The following GART variants were observed in gnomAD, a reference collection of about 807,000 sequenced individuals.
The protein encoded by GART is trifunctional purine biosynthetic protein adenosine-3.
In GART, 43 loss-of-function variants were observed where a neutral mutation model predicts 107.2. That is an observed-to-expected ratio of 0.40 (90% CI 0.31 to 0.52). The LOEUF (loss-of-function observed/expected upper bound fraction) is 0.52. GART is among the 20% of genes least tolerant of loss of function. The probability of loss-of-function intolerance (pLI) is 0.52; values close to 1 mark genes in which losing one functional copy is unlikely to be tolerated. For synonymous variants in GART, 434 were observed against 427.0 expected, an observed-to-expected ratio of 1.02 and a Z score of -0.20; for missense variants, 1,107 against 1,206.5, an observed-to-expected ratio of 0.92 and a Z score of 1.22.
At position 33,504,201 on chromosome 21, in the gene GART, C is replaced by T. The variant is rs373445394; in HGVS notation, c.2956G>A (p.Ala986Thr). ...CCACTGGCCACCAGCTGAAGGGCTG[C>T]AGGAAATATTTTATGTTCTGCTAAT... ...VKLAEHKIFP[A>T]ALQLVASGTV... Residue 986 changes from alanine (A) to threonine (T), a missense_variant, in exon 22 of 22, where the codon GCA becomes ACA. Ala to Thr is a moderately conservative substitution (Grantham distance 58, BLOSUM62 0). Transcript: ENST00000381815. The T allele has an allele frequency of 3.5e-5, 57 of 1,614,076 alleles. No individual in the cohort carries two copies. The highest frequency in any genetic ancestry group is 4.8e-5 in the Non-Finnish European group (57 of 1,180,050).
chr21:33,526,519 T>C (rs539245943), intron 10 of GART, among the ~76,000 whole-genome samples: 16 of 151,990 alleles, frequency 1.1e-4, no homozygotes, highest in Non-Finnish European at 2.1e-4. Flanking sequence ...TAAAGCTGCT[T>C]CTTTTTTTCT....
chr21:33,517,571 A>C lies in GART; in HGVS notation c.1740T>G (p.Pro580=), dbSNP rs1440794850. 1.2e-6 allele frequency: 2 copies of C among 1,614,106 alleles called. No individual in the cohort carries two copies. Among genetic ancestry groups the C allele is most frequent in the African/African-American group, 2.7e-5 (2 of 74,936 alleles). ...CAAACCCAGCTAGGTCATACTCTCCAGGGGGATACATGTCAGGCATTTCTG... is the reference window on the plus strand; with the variant it reads ...CAAACCCAGCTAGGTCATACTCTCCCGGGGGATACATGTCAGGCATTTCTG... The part of the protein sequence containing the change: ...ETAEMPDMYP[P]GEYDLAGFAV... Residue 580 remains proline, a synonymous_variant, in exon 15 of 22, where the codon CCT becomes CCG. Coordinates refer to ENST00000381815, the MANE Select transcript of GART (RefSeq NM_000819.5).
intron 16 of GART, among the ~76,000 whole-genome samples, chr21:33,513,137 G>A (rs902282310): frequency 8.1e-6 from 1 of 123,958 alleles, no homozygotes; most frequent in Non-Finnish European, 1.7e-5. Flanking sequence ...GTGTGTGTGT[G>A]TATTTTTAGT....
chr21:33,532,634 T>C (rs2085214774), intron 4 of GART, among the ~76,000 whole-genome samples, 178 bp from the exon 5 acceptor site: 1 of 152,236 alleles, frequency 6.6e-6, no homozygotes, highest in African/African-American at 2.4e-5. Context: ...CCCCTACGTA[T>C]TCCTTTGTAG....
At chr21:33,532,194 G>T (rs994391485) in intron 5 of GART, 151 bp downstream of exon 5, 1 of 644,692 alleles carries the variant, frequency 1.6e-6, no homozygotes, top group Non-Finnish European at 2.8e-6. Flanking sequence ...ATTTTATAGA[G>T]ATGGATTATA....
chr21:33,524,518 A>C, intron 11 of GART: 1 of 1,063,178 alleles, frequency 9.4e-7, no homozygotes. Flanking sequence ...AAATAAAAAA[A>C]ATAGAAAACA....
chr21:33,507,985 C>T (rs1170717645), intron 18 of GART, among the ~76,000 whole-genome samples: 1 of 151,854 alleles, frequency 6.6e-6, no homozygotes, highest in African/African-American at 2.4e-5. Context: ...TCTCATGTAC[C>T]CTATAAATAT....
chr21:33,505,035 T>C (rs1215517242), intron 20 of GART, among the ~76,000 whole-genome samples: 1 of 152,328 alleles, frequency 6.6e-6, no homozygotes, highest in East Asian at 1.9e-4. Context: ...ATTGACCAAC[T>C]GTGTGCACAC....
At chr21:33,511,785 T>G (rs1323447851) in intron 16 of GART, among the ~76,000 whole-genome samples, 1 of 152,140 alleles carries the variant, frequency 6.6e-6, no homozygotes. Flanking sequence ...ACCATCCTTT[T>G]GTGAATGTTT....
In GART at chr21:33,528,543, G is replaced by A. The variant is rs2145735617; in HGVS notation, c.873C>T (p.Cys291=). The change falls in exon 9 of 22, where the codon TGC becomes TGT. Residue 291 remains cysteine, a synonymous_variant. Transcript: ENST00000381815. ...CTTGGCACTCTGGATCACCAAAACG[G>A]CAATTAAACTCTAGAACTTTTGGGC... ...KNGPKVLEFN[C]RFGDPECQVI... The A allele has an allele frequency of 6.2e-7, 1 of 1,607,768 alleles. No individual in the cohort carries two copies. Among genetic ancestry groups the A allele is most frequent in the Non-Finnish European group, 8.5e-7 (1 of 1,178,516 alleles).
In GART at chr21:33,504,253, A is replaced by C; in HGVS notation, c.2904T>G (p.Thr968=). ...QEAVPVKRGD[T]VATLSERVKL... ...TTACTCTTTCAGAAAGAGTTGCGAC[A>C]GTATCACCCCTCTTCACGGGAACAG... The change falls in exon 22 of 22, where the codon ACT becomes ACG. Residue 968 remains threonine, a synonymous_variant. Coordinates refer to ENST00000381815, the MANE Select transcript of GART (RefSeq NM_000819.5). 1.2e-6 allele frequency: 2 copies of C among 1,614,248 alleles called. No individual in the cohort carries two copies. The highest frequency in any genetic ancestry group is 1.7e-6 in the Non-Finnish European group (2 of 1,180,046).
chr21:33,528,179 C>A lies in GART; in HGVS notation c.1054G>T (p.Val352Leu). 1 of 1,613,622 alleles carries A rather than the reference C, an allele frequency of 6.2e-7. No individual in the cohort carries two copies. The highest frequency in any genetic ancestry group is 2.2e-5 in the East Asian group (1 of 44,876). Residue 352 changes from valine (V) to leucine (L), a missense_variant, in exon 10 of 22, where the codon GTA becomes TTA. By Grantham distance (32) the Val-to-Leu change is conservative. Coordinates refer to ENST00000381815, the MANE Select transcript of GART (RefSeq NM_000819.5). ...KGYPGDYTKG[V>L]EITGFPEAQA... ...CCCTGACACTCACCTGTTATCTCTA[C>A]ACCCTTGGTGTAGTCTCCAGGATAA...
At position 33,528,807 on chromosome 21, in the gene GART, GT is replaced by G. The variant is rs370352822; in HGVS notation, c.811+42del. ...AAATAAGTTTTATCAAAAGTAGAAA[GT>G]TACTCTATAGGTGGCTTCCATAGTA... is the stretch of plus-strand genomic sequence containing the variant. On this transcript the variant is annotated intron_variant, in intron 8 of 21. Transcript: ENST00000381815. 94 of 1,284,784 alleles carry G rather than the reference GT, an allele frequency of 7.3e-5. No homozygotes were observed. In the African/African-American group the frequency reaches 1.3e-3, roughly 17 times the overall value. The allele number at this position is 1,284,784 out of a possible 1,614,324, so 79.6% of individuals were successfully genotyped here.
At chr21:33,535,496 C>T (rs569983268) in intron 2 of GART, among the ~76,000 whole-genome samples, 176 bp from the exon 3 acceptor site, 18 of 152,116 alleles carry the variant, frequency 1.2e-4, no homozygotes, top group Non-Finnish European at 2.6e-4. Context: ...GAGGAGAGTG[C>T]ATTAGGCTAA....
chr21:33,522,408 A>C, intron 11 of GART, 126 bp from the exon 12 acceptor site: 2 of 697,896 alleles, frequency 2.9e-6, no homozygotes, highest in South Asian at 1.9e-5. Context: ...AATTTTTTTA[A>C]AGTCAGTGCC....
In GART at chr21:33,534,593, G is replaced by C. The variant is rs780907537; in HGVS notation, c.402C>G (p.Cys134Trp). 2 of 1,614,070 alleles carry C rather than the reference G, an allele frequency of 1.2e-6. No individual in the cohort carries two copies. Among genetic ancestry groups the C allele is most frequent in the East Asian group, 4.5e-5 (2 of 44,872 alleles). ...WKAFTKPEEA[C>W]SFILSADFPA... ...CATTTACCTACCTCAAAATGAAGCT[G>C]CAGGCTTCTTCAGGTTTGGTGAAAG... is the stretch of plus-strand genomic sequence containing the variant. Residue 134 changes from cysteine to tryptophan, a missense_variant, in exon 4 of 22, where the codon TGC becomes TGG. Physicochemically the swap from Cys to Trp is radical, Grantham distance 215 (BLOSUM62 -2). Coordinates refer to ENST00000381815, the MANE Select transcript of GART (RefSeq NM_000819.5).
chr21:33,540,224 A>G (rs1434540498), intron 1 of GART, among the ~76,000 whole-genome samples: 2 of 152,234 alleles, frequency 1.3e-5, no homozygotes. Flanking sequence ...ATGGACCCAT[A>G]AACAGGCAGT....
intron 11 of GART, 129 bp downstream of exon 11, chr21:33,524,640 A>G: frequency 6.8e-7 from 1 of 1,463,710 alleles, no homozygotes; most frequent in Non-Finnish European, 9.0e-7. Context: ...CAAAATACAA[A>G]CCAAGACTGT....
At chr21:33,511,112 A>G in intron 17 of GART, 140 bp downstream of exon 17, 2 of 817,466 alleles carry the variant, frequency 2.4e-6, no homozygotes, top group African/African-American at 1.7e-5. Flanking sequence ...GGGTGCTGTC[A>G]TGTTACATCT....
Sources: gnomAD v4.1 joint callset for allele counts (sites outside exome capture counted in the v4.1 genomes callset) on GRCh38, gnomAD v4.1.1 for gene constraint, MANE v1.5 for transcripts, NCBI Gene and HGNC (gene_info 2026-07-23, HGNC 2026-07-21) for gene names.